Variants in USP48 observed in about 807,000 individuals in gnomAD.
USP48 encodes ubiquitin carboxyl-terminal hydrolase 48.
USP48 carries 43 observed loss-of-function variants against 150.7 expected under a neutral mutation model. The ratio of observed to expected loss-of-function variants is 0.29; its 90% CI spans 0.22 to 0.37. USP48 has a LOEUF of 0.37. Ranked by LOEUF, USP48 falls within the 10% of genes least tolerant of loss-of-function variation. USP48 has a pLI of 1.00. For missense variants in USP48, 813 were observed against 1,249.6 expected (o/e 0.65, Z 5.27); for synonymous variants, 396 against 425.9 (o/e 0.93, Z 0.86).
At chr1:21,736,211 G>A (rs916390212) in intron 9 of USP48, among the ~76,000 whole-genome samples, 14 of 152,154 alleles carry the variant, frequency 9.2e-5, no homozygotes, top group Admixed American at 2.6e-4. Context: ...GGTTTAGGCT[G>A]CAGTCAGCCA....
chr1:21,778,150 A>C (rs2097904730), intron 1 of USP48, among the ~76,000 whole-genome samples: 1 of 151,908 alleles, frequency 6.6e-6, no homozygotes, highest in African/African-American at 2.4e-5. Context: ...CTGAAAAAAA[A>C]AAACAAAACA....
intron 9 of USP48, among the ~76,000 whole-genome samples, chr1:21,731,794 A>C (rs919497655): frequency 3.9e-5 from 6 of 152,034 alleles, no homozygotes; most frequent in African/African-American, 7.2e-5. Context: ...AGTTGAACCC[A>C]GGAGGCAGAG....
At chr1:21,730,981 G>A (rs1199537603) in intron 9 of USP48, among the ~76,000 whole-genome samples, 4 of 151,698 alleles carry the variant, frequency 2.6e-5, no homozygotes, top group Admixed American at 6.6e-5. Context: ...GGATGGTCTC[G>A]ATCTACTGAC....
At chr1:21,683,455 G>A (rs187883188) in intron 25 of USP48, among the ~76,000 whole-genome samples, 2 of 152,134 alleles carry the variant, frequency 1.3e-5, no homozygotes, top group African/African-American at 4.8e-5. Context: ...CATGATGACA[G>A]CTCACTGCAG....
At position 21,679,317 on chromosome 1, in the gene USP48, A is replaced by C; in HGVS notation, c.*100T>G. 6.8e-7 allele frequency: 1 copy of C among 1,463,614 alleles called. No homozygotes were observed. The highest frequency in any genetic ancestry group is 9.6e-7 in the Non-Finnish European group (1 of 1,043,822). The allele number at this position is 1,463,614 out of a possible 1,614,324, so 90.7% of individuals were successfully genotyped here. A position where few individuals can be genotyped will look rare whatever the true frequency, so the allele number is the denominator to read the frequency against. On this transcript the variant is annotated 3_prime_UTR_variant, in exon 27 of 27. Coordinates refer to ENST00000308271, the MANE Select transcript of USP48 (RefSeq NM_032236.8). ...TTTCTGCCTTTTGGAAGGGGCATGT[A>C]ATGGTTTAATTCTTAAATCCACCTT...
At chr1:21,762,135 C>T (rs1323722009) in intron 1 of USP48, among the ~76,000 whole-genome samples, 2 of 152,098 alleles carry the variant, frequency 1.3e-5, no homozygotes, top group Non-Finnish European at 2.9e-5. Flanking sequence ...AGCGTGGTGG[C>T]GTGTGCCTAT....
chr1:21,733,421 CAAAA>C (rs781008094), intron 9 of USP48, among the ~76,000 whole-genome samples: 27 of 150,156 alleles, frequency 1.8e-4, no homozygotes, highest in Non-Finnish European at 3.1e-4. Flanking sequence ...TGTCTCAAAA[CAAAA>C]AAAAGAGTAC....
chr1:21,742,241 C>T (rs2097783501), intron 8 of USP48, among the ~76,000 whole-genome samples: 3 of 152,102 alleles, frequency 2.0e-5, no homozygotes, highest in Admixed American at 2.0e-4. Flanking sequence ...CCTCAGGGAA[C>T]CATAAAGAGA....
At chr1:21,734,816 A>G (rs1043657532) in intron 9 of USP48, among the ~76,000 whole-genome samples, 2 of 152,240 alleles carry the variant, frequency 1.3e-5, no homozygotes, top group Non-Finnish European at 2.9e-5. Flanking sequence ...AGAAAGTGAT[A>G]AACAGCTCAG....
intron 1 of USP48, among the ~76,000 whole-genome samples, chr1:21,770,568 G>A (rs536618741): frequency 1.1e-3 from 164 of 143,786 alleles, no homozygotes; most frequent in African/African-American, 3.8e-3. Context: ...TGCAACCTCC[G>A]CCTCCCAGGT....
intron 7 of USP48, 144 bp downstream of exon 7, chr1:21,747,994 T>G: frequency 1.2e-6 from 1 of 869,268 alleles, no homozygotes; most frequent in Non-Finnish European, 1.6e-6. Context: ...AATATCGACA[T>G]TTCAAAATGA....
intron 1 of USP48, among the ~76,000 whole-genome samples, chr1:21,764,490 T>TGA (rs1448945885): frequency 6.7e-6 from 1 of 149,878 alleles, no homozygotes; most frequent in Non-Finnish European, 1.5e-5. Context: ...TGGTGGATTA[T>TGA]GAGGTCAGGA....
intron 8 of USP48, among the ~76,000 whole-genome samples, chr1:21,745,794 C>T (rs1005525748): frequency 6.6e-6 from 1 of 152,196 alleles, no homozygotes; most frequent in African/African-American, 2.4e-5. Flanking sequence ...GACTGGGAAG[C>T]CACTAACCCA....
At chr1:21,680,555 A>C (rs1238381673) in intron 26 of USP48, among the ~76,000 whole-genome samples, 2 of 152,250 alleles carry the variant, frequency 1.3e-5, no homozygotes, top group African/African-American at 4.8e-5. Context: ...TAAAATGAGA[A>C]AGGGAAGGCC....
intron 22 of USP48, among the ~76,000 whole-genome samples, chr1:21,697,934 T>C (rs2097641985): frequency 6.6e-6 from 1 of 152,112 alleles, no homozygotes; most frequent in Non-Finnish European, 1.5e-5. Context: ...CCACTGGTTT[T>C]AGAAGGCTTT....
chr1:21,730,589 G>C (rs1164176094), intron 9 of USP48, among the ~76,000 whole-genome samples: 1 of 151,650 alleles, frequency 6.6e-6, no homozygotes, highest in Non-Finnish European at 1.5e-5. Context: ...AGCTATTCGG[G>C]AGCCTGAGGC....
intron 3 of USP48, among the ~76,000 whole-genome samples, chr1:21,755,236 C>T (rs2097828868): frequency 6.6e-6 from 1 of 152,048 alleles, no homozygotes; most frequent in Non-Finnish European, 1.5e-5. Flanking sequence ...AAATATTACT[C>T]CTTGGCCTGC....
At chr1:21,760,480 C>CTGAGGCAGGCGATCA (rs1284224738) in intron 1 of USP48, among the ~76,000 whole-genome samples, 3 of 152,022 alleles carry the variant, frequency 2.0e-5, no homozygotes, top group East Asian at 1.9e-4. Flanking sequence ...TTTTGGGAGG[C>CTGAGGCAGGCGATCA]CCAGGTGGGC....
chr1:21,726,059 A>G (rs942640639), intron 11 of USP48, among the ~76,000 whole-genome samples: 1 of 152,192 alleles, frequency 6.6e-6, no homozygotes, highest in African/African-American at 2.4e-5. Flanking sequence ...TGTGATAAAG[A>G]GCAACATTCA....
Sources: gnomAD v4.1 joint callset for allele counts (sites outside exome capture counted in the v4.1 genomes callset) on GRCh38, gnomAD v4.1.1 for gene constraint, MANE v1.5 for transcripts, NCBI Gene and HGNC (gene_info 2026-07-23, HGNC 2026-07-21) for gene names.